The following PSIP1 variants were observed in gnomAD, a reference collection of about 807,000 sequenced individuals.
PSIP1 encodes PC4 and SRSF1 interacting protein 1.
PSIP1 carries 19 observed loss-of-function variants against 74.7 expected under a neutral mutation model. The ratio of observed to expected loss-of-function variants is 0.25; its 90% CI spans 0.18 to 0.37. The LOEUF is 0.37. Among genes scored for constraint, PSIP1 ranks in the 10% least tolerant of loss-of-function variants. The pLI is 1.00. For synonymous variants in PSIP1, 222 were observed against 195.3 expected, an observed-to-expected ratio of 1.14 and a Z score of -1.14; for missense variants, 601 against 614.3, an observed-to-expected ratio of 0.98 and a Z score of 0.23.
At chr9:15,478,850 G>C (rs2036212306) in intron 7 of PSIP1, among the ~76,000 whole-genome samples, 1 of 151,910 alleles carries the variant, frequency 6.6e-6, no homozygotes, top group Admixed American at 6.6e-5. Flanking sequence ...TCAACTTTTA[G>C]AATAGGAAAC....
chr9:15,510,290 C>T lies in PSIP1; in HGVS notation c.-102G>A. On this transcript the variant is annotated 5_prime_UTR_variant, in exon 2 of 16. Coordinates refer to ENST00000380733, the MANE Select transcript of PSIP1 (RefSeq NM_033222.5). Reference sequence around the variant, plus strand: ...GACGCGGGCCCAGCTACCGGGCCCGCGGGCGGGGGAGGATGCCTCGGGGCG... The same window carrying T: ...GACGCGGGCCCAGCTACCGGGCCCGTGGGCGGGGGAGGATGCCTCGGGGCG... 2 of 916,130 alleles carry T rather than the reference C, an allele frequency of 2.2e-6. No homozygotes were observed. The highest frequency in any genetic ancestry group is 1.5e-6 in the Non-Finnish European group (1 of 645,706). 56.8% of individuals were successfully genotyped at this position (916,130 alleles called of 1,614,324 possible).
At chr9:15,508,655 A>C (rs1157254468) in intron 2 of PSIP1, among the ~76,000 whole-genome samples, 4 of 152,208 alleles carry the variant, frequency 2.6e-5, no homozygotes, top group African/African-American at 7.2e-5. Context: ...GATACCTCGA[A>C]GACCATGAAA....
intron 15 of PSIP1, 60 bp downstream of exon 15, chr9:15,466,688 C>A: frequency 7.5e-7 from 1 of 1,333,558 alleles, no homozygotes; most frequent in South Asian, 1.3e-5. Flanking sequence ...TGGAACAGAA[C>A]TGTGATTAAA....
chr9:15,479,886 A>T lies in PSIP1; in HGVS notation c.457-199T>A, dbSNP rs188301998. On this transcript the variant is annotated intron_variant, in intron 6 of 15. Transcript: ENST00000380733. ...TTTATAACTCTAGTGAACAACTCTT[A>T]AAAAAAACAAAAAATTTCTTAGAAA... Among the ~76,000 whole-genome samples, 98 of 152,120 alleles carry T rather than the reference A, an allele frequency of 6.4e-4. 1 individual carries two copies. Among genetic ancestry groups the T allele is most frequent in the South Asian group, 1.0e-3 (5 of 4,806 alleles).
chr9:15,478,153 T>A (rs961778006), intron 8 of PSIP1, among the ~76,000 whole-genome samples: 5 of 148,996 alleles, frequency 3.4e-5, no homozygotes, highest in Admixed American at 6.7e-5. Context: ...AAAAAAAAAA[T>A]TTGTGACATT....
At chr9:15,471,479 A>T (rs1222435299) in intron 10 of PSIP1, 1 of 964,920 alleles carries the variant, frequency 1.0e-6, no homozygotes, top group Non-Finnish European at 1.2e-6. Flanking sequence ...AACTAATTTT[A>T]TATCTTAATT....
intron 6 of PSIP1, among the ~76,000 whole-genome samples, chr9:15,481,741 G>C (rs576485166): frequency 2.6e-5 from 4 of 152,174 alleles, no homozygotes; most frequent in Admixed American, 2.6e-4. Context: ...ACCAATAAGT[G>C]TAACAAGTTC....
intron 3 of PSIP1, among the ~76,000 whole-genome samples, chr9:15,500,768 T>G (rs1314872425): frequency 6.6e-6 from 1 of 152,172 alleles, no homozygotes; most frequent in Non-Finnish European, 1.5e-5. Flanking sequence ...TTAAGACAAT[T>G]AAGAGCAGTA....
chr9:15,469,503 T>C (rs1423841569), intron 11 of PSIP1, among the ~76,000 whole-genome samples, 167 bp from the exon 12 acceptor site: 2 of 152,126 alleles, frequency 1.3e-5, no homozygotes, highest in African/African-American at 4.8e-5. Context: ...AATAAGTACT[T>C]ATTGCCATTT....
intron 8 of PSIP1, 96 bp from the exon 9 acceptor site, chr9:15,474,333 A>G: frequency 1.9e-6 from 2 of 1,050,926 alleles, no homozygotes; most frequent in Non-Finnish European, 2.7e-6. Context: ...AGGCAAATCT[A>G]AAACAAAGTA....
At position 15,465,529 on chromosome 9, in the gene PSIP1, T is replaced by C; in HGVS notation, c.1584A>G (p.Leu528=). Residue 528 remains leucine, a synonymous_variant, in exon 16 of 16, where the codon CTA becomes CTG. Coordinates refer to ENST00000380733, the MANE Select transcript of PSIP1 (RefSeq NM_033222.5). ...ETEISLKDST[L]DN ...TTCCAGGTATGTCAACCTAGTTATC[T>C]AGTGTAGAATCCTTCAGAGATATTT... 1 of 1,567,720 alleles carries C rather than the reference T, an allele frequency of 6.4e-7. No homozygotes were observed. The highest frequency in any genetic ancestry group is 8.7e-7 in the Non-Finnish European group (1 of 1,143,310).
chr9:15,482,024 T>C (rs1273671495), intron 6 of PSIP1, among the ~76,000 whole-genome samples: 2 of 152,184 alleles, frequency 1.3e-5, no homozygotes, highest in Admixed American at 6.5e-5. Flanking sequence ...ATTTATTTCT[T>C]CCATATTTTA....
At chr9:15,478,851 A>G (rs922406933) in intron 7 of PSIP1, among the ~76,000 whole-genome samples, 1 of 152,094 alleles carries the variant, frequency 6.6e-6, no homozygotes, top group African/African-American at 2.4e-5. Context: ...CAACTTTTAG[A>G]ATAGGAAACA....
intron 6 of PSIP1, among the ~76,000 whole-genome samples, chr9:15,480,136 T>C (rs1013365404): frequency 5.3e-5 from 8 of 152,196 alleles, no homozygotes; most frequent in African/African-American, 1.9e-4. Context: ...CACTGACCAT[T>C]TGCAAACTCT....
At chr9:15,492,513 G>C (rs776152598) in intron 3 of PSIP1, among the ~76,000 whole-genome samples, 3 of 152,228 alleles carry the variant, frequency 2.0e-5, no homozygotes, top group Non-Finnish European at 4.4e-5. Flanking sequence ...GGTGTTGAAT[G>C]TCTGCAGCTT....
rs746137053 is a variant in PSIP1, at chr9:15,468,791, T to A, written c.1259A>T (p.Tyr420Phe). 6.2e-7 allele frequency: 1 copy of A among 1,614,080 alleles called. No homozygotes were observed. Among genetic ancestry groups the A allele is most frequent in the South Asian group, 1.1e-5 (1 of 91,080 alleles). Reference protein sequence around the residue: ...QVIMEKSTMLYNKFKNMFLVG... With the variant: ...QVIMEKSTMLFNKFKNMFLVG... ...CAAGAACATGTTCTTAAACTTGTTA[T>A]ACAACATTGTAGACTTTTCCATGAT... Residue 420 changes from tyrosine to phenylalanine, a missense_variant, in exon 14 of 16, where the codon TAT becomes TTT. By Grantham distance (22) the Tyr-to-Phe change is conservative (BLOSUM62 3). Around this residue, in one of 2 missense-constraint regions of PSIP1, gnomAD observed 538 missense variants for 507.6 expected, o/e 1.06. Transcript: ENST00000380733.
At chr9:15,504,077 C>T (rs1443215236) in intron 3 of PSIP1, among the ~76,000 whole-genome samples, 7 of 152,170 alleles carry the variant, frequency 4.6e-5, no homozygotes. Flanking sequence ...AAGAAGTCAC[C>T]ACCAGACCAA....
At chr9:15,490,219 G>A in intron 3 of PSIP1, 95 bp from the exon 4 acceptor site, 3 of 1,146,210 alleles carry the variant, frequency 2.6e-6, no homozygotes. Flanking sequence ...CAAAAATACA[G>A]AACCTAAACT....
At chr9:15,502,385 G>C (rs951362141) in intron 3 of PSIP1, among the ~76,000 whole-genome samples, 1 of 152,096 alleles carries the variant, frequency 6.6e-6, no homozygotes, top group South Asian at 2.1e-4. Flanking sequence ...AGATACAGCA[G>C]GCCAACTGTA....
Sources: gnomAD v4.1 joint callset for allele counts (sites outside exome capture counted in the v4.1 genomes callset) on GRCh38, gnomAD v4.1.1 for gene constraint, gnomAD v4.1.1 regional missense constraint, MANE v1.5 for transcripts, NCBI Gene and HGNC (gene_info 2026-07-23, HGNC 2026-07-21) for gene names.